The following TSC22D1 variants were observed in gnomAD, a reference collection of about 807,000 sequenced individuals.
TSC22D1 encodes the protein TSC22 domain family member 1.
TSC22D1 carries 9 observed loss-of-function variants against 74.2 expected under a neutral mutation model. The ratio of observed to expected loss-of-function variants is 0.12; its 90% confidence interval spans 0.07 to 0.21. TSC22D1 has a LOEUF of 0.21. Among genes scored for constraint, TSC22D1 ranks in the 10% least tolerant of loss-of-function variants. The pLI, the probability that TSC22D1 is intolerant of heterozygous loss-of-function variation, is 1.00. For missense variants in TSC22D1, 1,427 were observed against 1,304.7 expected (o/e 1.09, Z -1.44); for synonymous variants, 586 against 492.5 (o/e 1.19, Z -2.51).
intron 1 of TSC22D1, among the ~76,000 whole-genome samples, chr13:44,513,453 AAGTCACAAT>A (rs1879833035): frequency 6.6e-6 from 1 of 152,356 alleles, no homozygotes; most frequent in African/African-American, 2.4e-5. Context: ...GTATTTTCAA[AAGTCACAAT>A]ACACAAAACA....
intron 1 of TSC22D1, among the ~76,000 whole-genome samples, chr13:44,532,783 ATCTT>A (rs1225329162): frequency 6.6e-6 from 1 of 152,244 alleles, no homozygotes; most frequent in African/African-American, 2.4e-5. Flanking sequence ...GATCTACAAA[ATCTT>A]TAAGGATCTC....
Position 44,574,433 on chromosome 13 carries a change from G to T in TSC22D1, c.1642C>A (p.Gln548Lys). 3 of 1,614,212 alleles carry T rather than the reference G, an allele frequency of 1.9e-6. No individual in the cohort carries two copies. Among genetic ancestry groups the T allele is most frequent in the Non-Finnish European group, 2.5e-6 (3 of 1,180,038 alleles). ...TAGCTCAGTTCTTGAGACTGTAATT[G>T]TACTTGTGAGATCTGTGACTGAGAA... The part of the protein sequence containing the change: ...SISQSQISQV[Q>K]LQSQELSYQQ... Residue 548 changes from glutamine (Q) to lysine (K), a missense_variant, in exon 1 of 3, where the codon CAA (glutamine) becomes AAA (lysine). By Grantham distance (53) the Gln-to-Lys change is moderately conservative. Transcript: ENST00000458659.
At chr13:44,508,442 T>C (rs543636513) in intron 1 of TSC22D1, among the ~76,000 whole-genome samples, 1 of 152,310 alleles carries the variant, frequency 6.6e-6, no homozygotes, top group East Asian at 1.9e-4. Flanking sequence ...GTGCTGCAGA[T>C]GGTCACAATA....
At chr13:44,527,868 A>T (rs1260591243) in intron 1 of TSC22D1, among the ~76,000 whole-genome samples, 1 of 152,152 alleles carries the variant, frequency 6.6e-6, no homozygotes, top group African/African-American at 2.4e-5. Flanking sequence ...CAGATATGCT[A>T]TGCTAACACT....
chr13:44,460,663 C>T (rs964461031), intron 1 of TSC22D1, among the ~76,000 whole-genome samples: 7 of 152,192 alleles, frequency 4.6e-5, no homozygotes, highest in African/African-American at 1.7e-4. Context: ...GAGGGAGGCC[C>T]CATCCGCTTC....
At chr13:44,459,257 A>C (rs370996512) in intron 1 of TSC22D1, among the ~76,000 whole-genome samples, 1 of 152,240 alleles carries the variant, frequency 6.6e-6, no homozygotes, top group East Asian at 1.9e-4. Flanking sequence ...CTTGTGGGGA[A>C]TGACCTGCCT....
At position 44,517,934 on chromosome 13, in the gene TSC22D1, C is replaced by CA. The variant is rs552555119; in HGVS notation, c.2912+55228dup. Among the ~76,000 whole-genome samples, 455 of 138,282 alleles carry CA rather than the reference C, an allele frequency of 3.3e-3. 1 individual carries two copies. Among genetic ancestry groups the CA allele is most frequent in the Non-Finnish European group, 5.9e-3 (383 of 65,194 alleles). 90.7% of individuals were successfully genotyped at this position (138,282 alleles called of 152,430 possible). On this transcript the variant is annotated intron_variant, in intron 1 of 2. Coordinates refer to ENST00000458659, the MANE Select transcript of TSC22D1 (RefSeq NM_183422.4). ...GCATTGGCAGGATCACAGCTCACTG[C>CA]AGACACGGACCTCCCAGGCTCAAGC...
intron 1 of TSC22D1, among the ~76,000 whole-genome samples, chr13:44,468,862 A>C (rs1462438059): frequency 6.7e-6 from 1 of 150,144 alleles, no homozygotes; most frequent in Non-Finnish European, 1.5e-5. Flanking sequence ...ACAAAAATAG[A>C]AATTTTATAT....
rs140635430 is a variant in TSC22D1 at position 44,433,865 on chromosome 13, TA to T, written c.*760del. On this transcript the variant is annotated 3_prime_UTR_variant, in exon 3 of 3. Coordinates refer to ENST00000458659, the MANE Select transcript of TSC22D1 (RefSeq NM_183422.4). ...AGCAGTTTTTATGTAGATCTATATA[TA>T]AAAGTCCACACCTCCTCAGACAGCC... 5.0e-5 allele frequency: 50 copies of T among 998,178 alleles called. No homozygotes were observed. Among genetic ancestry groups the T allele is most frequent in the Non-Finnish European group, 6.4e-5 (46 of 717,048 alleles). The allele number at this position is 998,178 out of a possible 1,614,324, so 61.8% of individuals were successfully genotyped here.
intron 1 of TSC22D1, among the ~76,000 whole-genome samples, chr13:44,555,151 G>A (rs1882547764): frequency 1.3e-5 from 2 of 150,886 alleles, no homozygotes; most frequent in South Asian, 4.2e-4. Context: ...GTTGATCTTA[G>A]CCTGTCCATT....
At chr13:44,576,693 T>G (rs1022838440), upstream of TSC22D1, 1 of 152,326 alleles carries the variant, frequency 6.6e-6, no homozygotes, top group African/African-American at 2.4e-5. Flanking sequence ...GGCTGCTCGG[T>G]GAGGAAACGC....
chr13:44,514,616 T>C (rs1272316572), intron 1 of TSC22D1, among the ~76,000 whole-genome samples: 1 of 152,136 alleles, frequency 6.6e-6, no homozygotes, highest in Non-Finnish European at 1.5e-5. Flanking sequence ...TCCCAACACT[T>C]TGGGAGGCCA....
intron 1 of TSC22D1, among the ~76,000 whole-genome samples, chr13:44,445,216 TACAC>T (rs55714213): frequency 2.1e-3 from 299 of 144,770 alleles, no homozygotes; most frequent in African/African-American, 4.2e-3. Context: ...AGGTCAAAGA[TACAC>T]ACACACACAC....
chr13:44,497,304 A>G (rs1205121144), intron 1 of TSC22D1, among the ~76,000 whole-genome samples: 1 of 152,224 alleles, frequency 6.6e-6, no homozygotes, highest in Non-Finnish European at 1.5e-5. Flanking sequence ...GTCACATAGT[A>G]TATGATTTCA....
rs113822828 is a variant in TSC22D1, at chr13:44,541,437, CA to C, written c.2912+31725del. ...ATTTAACCATCAAATCTGCAATTAC[CA>C]AATATTAAAGAAAAGAAAAAAGAAA... On this transcript the variant is annotated intron_variant, in intron 1 of 2. Coordinates refer to ENST00000458659, the MANE Select transcript of TSC22D1 (RefSeq NM_183422.4). 1.4e-3 allele frequency among the ~76,000 whole-genome samples: 215 copies of C among 151,930 alleles called. 1 individual carries two copies. The highest frequency in any genetic ancestry group is 4.8e-3 in the African/African-American group (199 of 41,446).
At chr13:44,441,982 C>A (rs1875240123) in intron 1 of TSC22D1, among the ~76,000 whole-genome samples, 1 of 151,802 alleles carries the variant, frequency 6.6e-6, no homozygotes, top group Non-Finnish European at 1.5e-5. Flanking sequence ...TACCACCCAC[C>A]AGCCTAAATG....
intron 1 of TSC22D1, among the ~76,000 whole-genome samples, chr13:44,485,925 G>A (rs1201893461): frequency 6.6e-6 from 1 of 151,896 alleles, no homozygotes. Flanking sequence ...TTTTTCAAGG[G>A]GGATGGGTTT....
At chr13:44,509,623 G>A (rs764630036) in intron 1 of TSC22D1, among the ~76,000 whole-genome samples, 1 of 152,168 alleles carries the variant, frequency 6.6e-6, no homozygotes, top group South Asian at 2.1e-4. Flanking sequence ...CTGGGCGACA[G>A]AGCGAGACTC....
At position 44,433,997 on chromosome 13, in the gene TSC22D1, C is replaced by T; in HGVS notation, c.*629G>A. On this transcript the variant is annotated 3_prime_UTR_variant, in exon 3 of 3. Coordinates refer to ENST00000458659, the MANE Select transcript of TSC22D1 (RefSeq NM_183422.4). The stretch of plus-strand genomic sequence containing the variant: ...CACAAATATACAATAAGCAAAACAA[C>T]CTTCATGGTAAGATAGCCTAGGTCC... 1 of 1,534,228 alleles carries T rather than the reference C, an allele frequency of 6.5e-7. No homozygotes were observed. Among genetic ancestry groups the T allele is most frequent in the South Asian group, 1.2e-5 (1 of 83,532 alleles).
Sources: allele counts gnomAD v4.1 joint callset (sites outside exome capture counted in the v4.1 genomes callset), GRCh38; gene constraint gnomAD v4.1.1; transcripts MANE v1.5; gene names NCBI Gene and HGNC (gene_info 2026-07-23, HGNC 2026-07-21).